The following TCERG1L variants were observed in gnomAD, a reference collection of about 807,000 sequenced individuals.
TCERG1L encodes transcription elongation regulator 1 like, also known as transcription elongation regulator 1-like protein.
Under a neutral mutation model 56.3 loss-of-function variants are expected in TCERG1L, and 37 were observed. The observed-to-expected ratio is 0.66, with a 90% CI of 0.51 to 0.87. The LOEUF (loss-of-function observed/expected upper bound fraction) is 0.87, where lower values mean the gene tolerates loss of function less well. Among genes scored for constraint, TCERG1L ranks in the 40% least tolerant of loss-of-function variants. The pLI, the probability that TCERG1L is intolerant of heterozygous loss-of-function variation, is 0.00. For synonymous variants in TCERG1L, 324 were observed against 326.3 expected, an observed-to-expected ratio of 0.99 and a Z score of 0.08; for missense variants, 799 against 774.2, an observed-to-expected ratio of 1.03 and a Z score of -0.38.
chr10:131,180,884 A>G (rs2133452115), intron 4 of TCERG1L, among the ~76,000 whole-genome samples: 1 of 151,876 alleles, frequency 6.6e-6, no homozygotes, highest in African/African-American at 2.4e-5. Flanking sequence ...TAAAAGGGAG[A>G]CGTGTGAATC....
chr10:131,184,722 T>A (rs899764702), intron 4 of TCERG1L, among the ~76,000 whole-genome samples: 6 of 152,194 alleles, frequency 3.9e-5, no homozygotes, highest in African/African-American at 1.4e-4. Flanking sequence ...CGAGCAAGCC[T>A]CAGCATCAAA....
At chr10:131,135,243 A>ACTGAGCTGGG (rs1845662480) in intron 7 of TCERG1L, among the ~76,000 whole-genome samples, 1 of 152,040 alleles carries the variant, frequency 6.6e-6, no homozygotes, top group Non-Finnish European at 1.5e-5. Context: ...TGGGTGGCCA[A>ACTGAGCTGGG]CTGAGCTGGG....
At chr10:131,254,915 G>C (rs936613292) in intron 4 of TCERG1L, among the ~76,000 whole-genome samples, 7 of 152,170 alleles carry the variant, frequency 4.6e-5, no homozygotes, top group African/African-American at 1.4e-4. Flanking sequence ...CTTATAGAGC[G>C]GTGAGGCTTG....
Position 131,267,833 on chromosome 10 carries a change from G to A in TCERG1L, c.671-7389C>T, listed in dbSNP as rs577791282. Among the ~76,000 whole-genome samples, 1 of 152,284 alleles carries A rather than the reference G, an allele frequency of 6.6e-6. No homozygotes were observed. The highest frequency in any genetic ancestry group is 2.4e-5 in the African/African-American group (1 of 41,568). ...TCCACCTCCTTGCAGACTTCGGTGGGGGCTCCAGGGCCTTGCCAGGCCCGT... is the reference window on the plus strand; with the variant it reads ...TCCACCTCCTTGCAGACTTCGGTGGAGGCTCCAGGGCCTTGCCAGGCCCGT... On this transcript the variant is annotated intron_variant, in intron 3 of 11. Coordinates refer to ENST00000368642, the MANE Select transcript of TCERG1L (RefSeq NM_174937.4). The surrounding 1 kb of genome is among the most constrained non-coding windows in gnomAD (Gnocchi z 4.9).
intron 1 of TCERG1L, among the ~76,000 whole-genome samples, chr10:131,309,546 T>A (rs1242143647): frequency 6.6e-6 from 1 of 152,130 alleles, no homozygotes; most frequent in East Asian, 1.9e-4. Flanking sequence ...AAAAAGAACT[T>A]CTAAGCACAA....
chr10:131,122,040 C>G (rs952892636), intron 8 of TCERG1L, among the ~76,000 whole-genome samples: 1 of 152,166 alleles, frequency 6.6e-6, no homozygotes, highest in Non-Finnish European at 1.5e-5. Flanking sequence ...AACAAGTGAC[C>G]GCACCGTGCC....
At chr10:131,294,053 T>C (rs1388988144) in intron 3 of TCERG1L, among the ~76,000 whole-genome samples, 1 of 152,188 alleles carries the variant, frequency 6.6e-6, no homozygotes, top group African/African-American at 2.4e-5. Flanking sequence ...TTTTACTTTT[T>C]TTCTTTAACT....
At chr10:131,104,854 A>G (rs1845336118) in intron 9 of TCERG1L, among the ~76,000 whole-genome samples, 1 of 152,254 alleles carries the variant, frequency 6.6e-6, no homozygotes, top group Non-Finnish European at 1.5e-5. Context: ...CAAGAATATT[A>G]CAGAAAGTTA....
At chr10:131,238,408 G>A (rs752308371) in intron 4 of TCERG1L, among the ~76,000 whole-genome samples, 1 of 152,138 alleles carries the variant, frequency 6.6e-6, no homozygotes. Context: ...GTCTCCCCAC[G>A]GTGCTCAGAG....
At chr10:131,287,272 A>G (rs989501510) in intron 3 of TCERG1L, among the ~76,000 whole-genome samples, 4 of 152,160 alleles carry the variant, frequency 2.6e-5, no homozygotes, top group Non-Finnish European at 4.4e-5. Context: ...TGACCTCTCC[A>G]TACTTATTTT....
At chr10:131,202,408 C>T (rs559477499) in intron 4 of TCERG1L, among the ~76,000 whole-genome samples, 3 of 152,084 alleles carry the variant, frequency 2.0e-5, no homozygotes, top group Non-Finnish European at 4.4e-5. Context: ...ATGGTGAAAC[C>T]CCATTACCAC....
intron 7 of TCERG1L, among the ~76,000 whole-genome samples, chr10:131,145,169 C>T (rs144926746): frequency 9.8e-5 from 15 of 152,344 alleles, no homozygotes; most frequent in African/African-American, 3.1e-4. Context: ...ATTGTTAGGA[C>T]AAACTGTGCC....
At position 131,157,914 on chromosome 10, in the gene TCERG1L, C is replaced by T. The variant is rs12570543; in HGVS notation, c.1034+5208G>A. Among the ~76,000 whole-genome samples, 3,158 of 152,308 alleles carry T rather than the reference C, an allele frequency of 0.021. 168 individuals carry two copies. In the East Asian group the frequency reaches 0.24, roughly 11 times the overall value. On this transcript the variant is annotated intron_variant, in intron 6 of 11. Coordinates refer to ENST00000368642, the MANE Select transcript of TCERG1L (RefSeq NM_174937.4). ...TGGCTACAGAAGTTACTCTGAACTT[C>T]GACACCATTTTCAATGGTTACACTG...
At chr10:131,106,269 T>C (rs1241313793) in intron 9 of TCERG1L, among the ~76,000 whole-genome samples, 1 of 152,218 alleles carries the variant, frequency 6.6e-6, no homozygotes, top group Non-Finnish European at 1.5e-5. Flanking sequence ...TGGTCTAAGG[T>C]AGTGCCGGTC....
intron 4 of TCERG1L, among the ~76,000 whole-genome samples, chr10:131,236,267 A>G (rs1174374060): frequency 1.3e-5 from 2 of 152,222 alleles, no homozygotes; most frequent in African/African-American, 4.8e-5. Flanking sequence ...GAATTTGACC[A>G]TCAAAACCAC....
chr10:131,308,429 G>A (rs756826079), intron 2 of TCERG1L, 38 bp from the exon 3 acceptor site: 3 of 1,568,806 alleles, frequency 1.9e-6, no homozygotes, highest in South Asian at 2.3e-5. Flanking sequence ...CTGAAGGCAA[G>A]GTGCATGATA....
At chr10:131,250,240 G>C (rs926685149) in intron 4 of TCERG1L, among the ~76,000 whole-genome samples, 10 of 152,214 alleles carry the variant, frequency 6.6e-5, no homozygotes, top group African/African-American at 2.4e-4. Flanking sequence ...AAGTGGCCTG[G>C]AGGGTCATAA....
intron 4 of TCERG1L, among the ~76,000 whole-genome samples, chr10:131,255,459 C>T (rs1309217040): frequency 1.3e-5 from 2 of 152,178 alleles, no homozygotes; most frequent in Admixed American, 1.3e-4. Context: ...ATAATTGGCA[C>T]ATCTTCAGGG....
At chr10:131,123,067 C>T (rs1051382207) in intron 8 of TCERG1L, among the ~76,000 whole-genome samples, 1 of 152,202 alleles carries the variant, frequency 6.6e-6, no homozygotes, top group Admixed American at 6.5e-5. Flanking sequence ...CCCCACACAG[C>T]TGTCATGAGA....
Sources: gnomAD v4.1 joint callset for allele counts (sites outside exome capture counted in the v4.1 genomes callset) on GRCh38, gnomAD v4.1.1 for gene constraint, Gnocchi (gnomAD v3.1) non-coding constraint, MANE v1.5 for transcripts, NCBI Gene and HGNC (gene_info 2026-07-23, HGNC 2026-07-21) for gene names.